The following TMEM233 variants were observed in gnomAD, a reference collection of about 807,000 sequenced individuals.
TMEM233 encodes the protein transmembrane protein 233, also known as dispanin subfamily B member 2.
Under a neutral mutation model 11.2 loss-of-function variants are expected in TMEM233, and 6 were observed. The ratio of observed to expected loss-of-function variants is 0.54; its 90% CI spans 0.29 to 1.06. The LOEUF (loss-of-function observed/expected upper bound fraction) is 1.06, where lower values mean the gene tolerates loss of function less well. Ranked by LOEUF, TMEM233 falls within the 50% of genes least tolerant of loss-of-function variation. The pLI, the probability that TMEM233 is intolerant of heterozygous loss-of-function variation, is 0.08. For missense variants in TMEM233, 127 were observed against 144.7 expected (o/e 0.88, Z 0.63); for synonymous variants, 59 against 55.8 (o/e 1.06, Z -0.26).
chr12:119,599,433 T>TA (rs1386105247), intron 1 of TMEM233, among the ~76,000 whole-genome samples: 6 of 119,716 alleles, frequency 5.0e-5, no homozygotes, highest in Non-Finnish European at 9.7e-5. Context: ...GCCCAGAATT[T>TA]TAAAAAAAAT....
chr12:119,618,804 T>C (rs977723721), intron 1 of TMEM233, among the ~76,000 whole-genome samples: 4 of 152,154 alleles, frequency 2.6e-5, no homozygotes, highest in Admixed American at 6.5e-5. Context: ...TTGTCTTGTC[T>C]CAGATGAGAA....
intron 1 of TMEM233, among the ~76,000 whole-genome samples, chr12:119,627,753 G>A (rs1593303337): frequency 1.3e-5 from 2 of 152,262 alleles, no homozygotes; most frequent in Admixed American, 1.3e-4. Flanking sequence ...GGTAGGAGGC[G>A]GGACTTGACT....
chr12:119,605,932 C>T (rs1358459096), intron 1 of TMEM233, among the ~76,000 whole-genome samples: 1 of 151,926 alleles, frequency 6.6e-6, no homozygotes, highest in African/African-American at 2.4e-5. Context: ...GAGAAAAAGC[C>T]CAAAAGCCCA....
downstream of TMEM233, among the ~76,000 whole-genome samples, chr12:119,645,843 T>C (rs1370027785): frequency 2.6e-5 from 4 of 152,068 alleles, no homozygotes; most frequent in Admixed American, 2.6e-4. Context: ...AAGTGTTTAC[T>C]CCCCCAGGTC....
chr12:119,612,206 G>C (rs1487933581), intron 1 of TMEM233, among the ~76,000 whole-genome samples: 2 of 152,032 alleles, frequency 1.3e-5, no homozygotes, highest in Non-Finnish European at 2.9e-5. Context: ...TGTTAGCCAG[G>C]ATAGTCTTAA....
At chr12:119,613,984 G>C (rs1162234078) in intron 1 of TMEM233, among the ~76,000 whole-genome samples, 1 of 151,932 alleles carries the variant, frequency 6.6e-6, no homozygotes, top group Non-Finnish European at 1.5e-5. Flanking sequence ...CAGTGAGCAA[G>C]GGAAAAGGCT....
chr12:119,626,073 T>C (rs1954750727), intron 1 of TMEM233, among the ~76,000 whole-genome samples: 1 of 152,182 alleles, frequency 6.6e-6, no homozygotes, highest in Non-Finnish European at 1.5e-5. Context: ...TTTCACGACA[T>C]TGACTTTTTA....
At chr12:119,596,819 G>T (rs1371145409) in intron 1 of TMEM233, among the ~76,000 whole-genome samples, 1 of 152,074 alleles carries the variant, frequency 6.6e-6, no homozygotes, top group Non-Finnish European at 1.5e-5. Flanking sequence ...TAAAGCCTTG[G>T]TTTCTTCATC....
intron 1 of TMEM233, among the ~76,000 whole-genome samples, chr12:119,603,523 C>T (rs1282321374): frequency 6.6e-6 from 1 of 152,228 alleles, no homozygotes; most frequent in African/African-American, 2.4e-5. Flanking sequence ...GTAGGACTCA[C>T]ATCCTAGAAC....
chr12:119,607,907 C>T (rs1474348413), intron 1 of TMEM233, among the ~76,000 whole-genome samples: 1 of 152,156 alleles, frequency 6.6e-6, no homozygotes, highest in Non-Finnish European at 1.5e-5. Context: ...GCATTCTTAT[C>T]CACCCCAAAA....
At chr12:119,636,713 G>C (rs7138785) in intron 2 of TMEM233, among the ~76,000 whole-genome samples, 116,469 of 152,112 alleles carry the variant, frequency 0.77, 44,776 homozygotes, top group Middle Eastern at 0.85. Context: ...GAGTTGACCA[G>C]GACAACATTT....
intron 1 of TMEM233, among the ~76,000 whole-genome samples, chr12:119,625,808 T>C (rs886776608): frequency 6.6e-6 from 1 of 152,196 alleles, no homozygotes; most frequent in African/African-American, 2.4e-5. Context: ...AGCCTGTATC[T>C]TCTGTAGAAA....
At chr12:119,626,872 G>C (rs1392382266) in intron 1 of TMEM233, among the ~76,000 whole-genome samples, 1 of 152,198 alleles carries the variant, frequency 6.6e-6, no homozygotes, top group African/African-American at 2.4e-5. Flanking sequence ...CATATTTCTT[G>C]AGCTCCAACA....
In TMEM233 at chr12:119,612,824, G is replaced by T. The variant is rs1954430750; in HGVS notation, c.187-16912G>T. Among the ~76,000 whole-genome samples the T allele has an allele frequency of 2.6e-5, 4 of 151,960 alleles. No individual in the cohort carries two copies. The South Asian group carries it at 8.3e-4, about 32-fold the overall frequency. On this transcript the variant is annotated intron_variant, in intron 1 of 2. Transcript: ENST00000426426. ...AGTCCCAGCTACTTAGGAGACTGAG[G>T]TGGGAGGATCACTAGAGTACAGGAG...
chr12:119,645,736 C>T (rs1955143126), downstream of TMEM233, among the ~76,000 whole-genome samples: 1 of 152,288 alleles, frequency 6.6e-6, no homozygotes, highest in East Asian at 1.9e-4. Context: ...CCGGTCACGG[C>T]GTTCATCTCT....
chr12:119,638,246 G>A (rs1164147469), intron 2 of TMEM233, among the ~76,000 whole-genome samples: 1 of 152,154 alleles, frequency 6.6e-6, no homozygotes, highest in Non-Finnish European at 1.5e-5. Flanking sequence ...GATCACTAGA[G>A]CTCAGGAGCT....
At chr12:119,654,149 A>G in the TMEM233 span, among the ~76,000 whole-genome samples, 1 of 152,220 alleles carries the variant, frequency 6.6e-6, no homozygotes, top group East Asian at 1.9e-4. Context: ...TCTTGGCATC[A>G]AGACTTGATT....
intron 1 of TMEM233, among the ~76,000 whole-genome samples, chr12:119,597,763 A>G (rs1001644416): frequency 1.3e-5 from 2 of 152,198 alleles, no homozygotes; most frequent in Non-Finnish European, 2.9e-5. Flanking sequence ...TGGGTCAAGC[A>G]TTGTCAGGGA....
the TMEM233 span, among the ~76,000 whole-genome samples, chr12:119,649,934 G>A: frequency 4.3e-4 from 65 of 150,724 alleles, no homozygotes; most frequent in Non-Finnish European, 5.8e-4. Flanking sequence ...CGAGGTGAGC[G>A]GATCACGAGG....
Sources: allele counts gnomAD v4.1 joint callset (sites outside exome capture counted in the v4.1 genomes callset), GRCh38; gene constraint gnomAD v4.1.1; transcripts MANE v1.5; gene names NCBI Gene and HGNC (gene_info 2026-07-23, HGNC 2026-07-21).